ZFAT: variants seen among roughly 807,000 people sequenced by gnomAD.
The protein encoded by ZFAT is zinc finger and AT-hook domain containing, also known as zinc finger protein ZFAT.
Under a neutral mutation model 117.7 loss-of-function variants are expected in ZFAT, and 64 were observed. The ratio of observed to expected loss-of-function variants is 0.54; its 90% CI spans 0.44 to 0.67. The LOEUF is 0.67. ZFAT is among the 30% of genes least tolerant of loss of function. The pLI is 0.00. For missense variants in ZFAT, 1,433 were observed against 1,584.5 expected (o/e 0.90, Z 1.62); for synonymous variants, 679 against 615.0 (o/e 1.10, Z -1.54).
At chr8:134,613,624 C>G (rs556150101) in intron 3 of ZFAT, among the ~76,000 whole-genome samples, 1 of 152,304 alleles carries the variant, frequency 6.6e-6, no homozygotes, top group South Asian at 2.1e-4. Context: ...ACCCGTCCCT[C>G]CTGGAGTGTG....
intron 11 of ZFAT, among the ~76,000 whole-genome samples, chr8:134,561,444 T>C (rs1026871919): frequency 6.6e-6 from 1 of 151,984 alleles, no homozygotes; most frequent in African/African-American, 2.4e-5. Flanking sequence ...GAAAAAAAAA[T>C]CTGCATTTAT....
chr8:134,533,810 C>T (rs905118005), intron 11 of ZFAT, among the ~76,000 whole-genome samples: 7 of 152,194 alleles, frequency 4.6e-5, no homozygotes, highest in Non-Finnish European at 1.0e-4. Flanking sequence ...ACCTGCTGGG[C>T]CCCTGGGGAA....
intron 11 of ZFAT, among the ~76,000 whole-genome samples, chr8:134,553,954 A>C (rs903122105): frequency 8.5e-5 from 13 of 152,216 alleles, no homozygotes; most frequent in African/African-American, 2.2e-4. Flanking sequence ...CCTTCCATCA[A>C]ACCTGCACAC....
At chr8:134,596,934 A>T (rs1186450127) in intron 7 of ZFAT, among the ~76,000 whole-genome samples, 1 of 151,514 alleles carries the variant, frequency 6.6e-6, no homozygotes, top group African/African-American at 2.4e-5. Flanking sequence ...TTATGGGATG[A>T]TGAAAAAGCT....
chr8:134,774,663 A>AAAACTTGAC, the ZFAT span, among the ~76,000 whole-genome samples: 8 of 152,360 alleles, frequency 5.3e-5, 1 homozygote, highest in African/African-American at 1.9e-4. Flanking sequence ...GGGAAATCAA[A>AAAACTTGAC]AAACTTGACC....
intron 1 of ZFAT, among the ~76,000 whole-genome samples, chr8:134,691,539 G>A (rs930874546): frequency 6.6e-6 from 1 of 152,250 alleles, no homozygotes; most frequent in South Asian, 2.1e-4. Context: ...AGGTGAGGAG[G>A]ACGGGTAAGC....
At chr8:134,642,235 A>G (rs532657593) in intron 2 of ZFAT, among the ~76,000 whole-genome samples, 23 of 152,310 alleles carry the variant, frequency 1.5e-4, no homozygotes, top group Non-Finnish European at 2.9e-4. Context: ...AGAATCACAT[A>G]CCCCTGAAGC....
rs1386867147 is a variant in ZFAT, at chr8:134,653,380, CCTGAGTACCTGGGA to C, written c.196+4167_196+4180del. On this transcript the variant is annotated intron_variant, in intron 2 of 15. Coordinates refer to ENST00000377838, the MANE Select transcript of ZFAT (RefSeq NM_020863.4). ...TAGCCTCAACATCCTGGCTCAGCCT[CCTGAGTACCTGGGA>C]CTACAGGCACAAGCCGTTTTATCTG... 1.5e-3 allele frequency among the ~76,000 whole-genome samples: 222 copies of C among 145,512 alleles called. 1 individual carries two copies. Among genetic ancestry groups the C allele is most frequent in the African/African-American group, 5.3e-3 (213 of 39,844 alleles).
chr8:134,585,121 A>G (rs960697374), intron 9 of ZFAT, among the ~76,000 whole-genome samples: 8 of 152,228 alleles, frequency 5.3e-5, no homozygotes, highest in African/African-American at 1.9e-4. Flanking sequence ...TGACAGGACC[A>G]GGAATCACTT....
intron 12 of ZFAT, among the ~76,000 whole-genome samples, chr8:134,525,379 C>G (rs1820951348): frequency 6.6e-6 from 1 of 152,234 alleles, no homozygotes; most frequent in African/African-American, 2.4e-5. Context: ...AACGAAAGAG[C>G]TGAGCTGACC....
At chr8:134,635,698 A>C (rs747222166) in intron 3 of ZFAT, among the ~76,000 whole-genome samples, 10 of 152,024 alleles carry the variant, frequency 6.6e-5, no homozygotes, top group Non-Finnish European at 1.3e-4. Context: ...CACGCACAAG[A>C]GGGTGGGGGA....
At position 134,478,696 on chromosome 8, in the gene ZFAT, T is replaced by C. The variant is rs534984763; in HGVS notation, c.3518A>G (p.Asn1173Ser). Residue 1173 changes from asparagine (N) to serine (S), a missense_variant, in exon 16 of 16, where the codon AAC becomes AGC. Coordinates refer to ENST00000377838, the MANE Select transcript of ZFAT (RefSeq NM_020863.4). The surrounding 1 kb of genome is among the most constrained non-coding windows in gnomAD (Gnocchi z 5.2). Reference protein sequence around the residue: ...KQVTEEEPSSNHTVMIQETVQ... With the variant: ...KQVTEEEPSSSHTVMIQETVQ... ...CGTCTCCTGGATCATGACCGTGTGG[T>C]TGGAGCTGGGCTCCTCCTCGGTGAC... 2 of 1,574,920 alleles carry C rather than the reference T, an allele frequency of 1.3e-6. No individual in the cohort carries two copies. The highest frequency in any genetic ancestry group is 2.3e-5 in the South Asian group (2 of 85,536).
chr8:134,633,831 G>C (rs1830040234), intron 3 of ZFAT, among the ~76,000 whole-genome samples: 1 of 152,216 alleles, frequency 6.6e-6, no homozygotes, highest in African/African-American at 2.4e-5. Context: ...GATCACCTGA[G>C]GTCAAGAGTT....
the ZFAT span, among the ~76,000 whole-genome samples, chr8:134,746,762 C>T: frequency 0.38 from 57,891 of 151,980 alleles, 11,297 homozygotes; most frequent in African/African-American, 0.45. Flanking sequence ...TTACAATGGA[C>T]GAGTTGAAGA....
rs1344758003 is a variant in ZFAT at position 134,533,085 on chromosome 8, C to T, written c.2977-113G>A. On this transcript the variant is annotated intron_variant, in intron 11 of 15. Transcript: ENST00000377838. Reference sequence around the variant, plus strand: ...CTGAAAGCCTGAGATGAGCAGGCCCCATCACCTGTGATATGTTCTAGGGAA... The same window carrying T: ...CTGAAAGCCTGAGATGAGCAGGCCCTATCACCTGTGATATGTTCTAGGGAA... 8 of 1,432,324 alleles carry T rather than the reference C, an allele frequency of 5.6e-6. No individual in the cohort carries two copies. In the Admixed American group the frequency reaches 6.2e-5, roughly 11 times the overall value. 88.7% of individuals were successfully genotyped at this position (1,432,324 alleles called of 1,614,324 possible). A position where few individuals can be genotyped will look rare whatever the true frequency, so the allele number is the denominator to read the frequency against.
At chr8:134,581,412 T>G (rs750014300) in intron 10 of ZFAT, among the ~76,000 whole-genome samples, 10 of 152,162 alleles carry the variant, frequency 6.6e-5, no homozygotes, top group Admixed American at 3.9e-4. Flanking sequence ...ACCCCTTTCT[T>G]CCTAGAATCA....
the ZFAT span, among the ~76,000 whole-genome samples, chr8:134,827,580 C>G: frequency 1.3e-5 from 2 of 151,888 alleles, no homozygotes; most frequent in African/African-American, 4.8e-5. Flanking sequence ...CCAGCCTGGC[C>G]AACATGGTGA....
Position 134,695,776 on chromosome 8 carries a change from G to A in ZFAT, c.19+17069C>T, listed in dbSNP as rs376726398. Among the ~76,000 whole-genome samples the A allele has an allele frequency of 1.0e-3, 137 of 136,310 alleles. No individual in the cohort carries two copies. In the Middle Eastern group the frequency reaches 0.016, roughly 16 times the overall value. 89.4% of individuals were successfully genotyped at this position (136,310 alleles called of 152,430 possible). On this transcript the variant is annotated intron_variant, in intron 1 of 15. Coordinates refer to ENST00000377838, the MANE Select transcript of ZFAT (RefSeq NM_020863.4). ...AAGGTGGCACCACCCCCTAGGCCTC[G>A]GCCATCTCTAACAAAGGCAGCACCG...
intron 7 of ZFAT, 71 bp downstream of exon 7, chr8:134,600,365 T>C (rs748372489): frequency 7.4e-7 from 1 of 1,350,390 alleles, no homozygotes. Flanking sequence ...GACACCTACA[T>C]ATAAGCATAA....
Sources: allele counts gnomAD v4.1 joint callset (sites outside exome capture counted in the v4.1 genomes callset), GRCh38; gene constraint gnomAD v4.1.1; non-coding constraint Gnocchi (gnomAD v3.1); transcripts MANE v1.5; gene names NCBI Gene and HGNC (gene_info 2026-07-23, HGNC 2026-07-21).